ZNF69: variants seen among roughly 807,000 people sequenced by gnomAD.
ZNF69 encodes the protein ZNF3.
A neutral mutation model predicts 50.9 loss-of-function variants in ZNF69; 47 were observed. The ratio of observed to expected loss-of-function variants is 0.92; its 90% CI spans 0.73 to 1.18. The LOEUF (loss-of-function observed/expected upper bound fraction) is 1.18. Ranked by LOEUF, ZNF69 falls within the 50% of genes most tolerant of loss-of-function variation. The pLI, the probability that ZNF69 is intolerant of heterozygous loss-of-function variation, is 0.00. For synonymous variants in ZNF69, 216 were observed against 223.1 expected, an observed-to-expected ratio of 0.97 and a Z score of 0.29; for missense variants, 717 against 675.1, an observed-to-expected ratio of 1.06 and a Z score of -0.69.
the ZNF69 span, chr19:11,953,515 C>A: frequency 6.6e-6 from 1 of 152,222 alleles, no homozygotes; most frequent in Non-Finnish European, 1.5e-5. Flanking sequence ...ACAAGGAAAT[C>A]TGCAATTTTT....
At chr19:11,941,685 C>T in the ZNF69 span, among the ~76,000 whole-genome samples, 1 of 152,342 alleles carries the variant, frequency 6.6e-6, no homozygotes, top group Non-Finnish European at 1.5e-5. Flanking sequence ...TCCCTCCACC[C>T]CTCCCTGCAA....
chr19:11,915,840 G>A (rs147721230), downstream of ZNF69, among the ~76,000 whole-genome samples: 85 of 152,284 alleles, frequency 5.6e-4, no homozygotes, highest in African/African-American at 1.9e-3. Context: ...CAAGGCGGAG[G>A]TTGCAGTGTG....
chr19:11,979,741 A>G, the ZNF69 span: 4 of 1,590,550 alleles, frequency 2.5e-6, no homozygotes, highest in East Asian at 9.0e-5. Context: ...AAGCCTTCAG[A>G]TCTGCCCCAC....
the ZNF69 span, among the ~76,000 whole-genome samples, chr19:11,973,717 A>ATTT: frequency 1.2e-4 from 17 of 142,564 alleles, no homozygotes; most frequent in Non-Finnish European, 4.6e-5. Context: ...GACCTTGTTA[A>ATTT]TTTTTTTTTT....
chr19:11,964,199 C>G, the ZNF69 span, among the ~76,000 whole-genome samples: 1 of 152,192 alleles, frequency 6.6e-6, no homozygotes, highest in South Asian at 2.1e-4. Context: ...CTCAGAGCAG[C>G]TCCAGAAGGA....
chr19:11,959,132 C>G, the ZNF69 span, among the ~76,000 whole-genome samples: 1 of 152,124 alleles, frequency 6.6e-6, no homozygotes, highest in Non-Finnish European at 1.5e-5. Flanking sequence ...AGTGATCCAC[C>G]TGCCTCAGCC....
chr19:11,976,975 G>T, the ZNF69 span: 2 of 1,593,350 alleles, frequency 1.3e-6, no homozygotes, highest in African/African-American at 2.7e-5. Flanking sequence ...CTTGGGAATA[G>T]AGTCTAGGCC....
At chr19:11,976,455 T>C in the ZNF69 span, among the ~76,000 whole-genome samples, 5 of 150,146 alleles carry the variant, frequency 3.3e-5, no homozygotes, top group African/African-American at 1.2e-4. Context: ...ACTCAGGAGG[T>C]TGAGTCATAA....
At chr19:11,955,745 G>GA in the ZNF69 span, among the ~76,000 whole-genome samples, 1 of 152,160 alleles carries the variant, frequency 6.6e-6, no homozygotes, top group Admixed American at 6.6e-5. Flanking sequence ...CAAAGATTCG[G>GA]AAAAATATCA....
In ZNF69 at chr19:11,905,359, T is replaced by C. The variant is rs745821558; in HGVS notation, c.962T>C (p.Ile321Thr). The C allele has an allele frequency of 1.2e-6, 2 of 1,614,118 alleles. No homozygotes were observed. The highest frequency in any genetic ancestry group is 1.7e-6 in the Non-Finnish European group (2 of 1,180,028). Residue 321 changes from isoleucine (I) to threonine (T), a missense_variant, in exon 4 of 4, where the codon ATA becomes ACA. Ile to Thr is a moderately conservative substitution (Grantham distance 89). Transcript: ENST00000429654. ...TTCACGTGTCCCCAGTATGTTCGTA[T>C]ACATGAAAGGACCCACTCTAGGAAA... Reference protein sequence around the residue: ...KAFTCPQYVRIHERTHSRKKP... With the variant: ...KAFTCPQYVRTHERTHSRKKP...
chr19:11,969,032 A>G, the ZNF69 span, among the ~76,000 whole-genome samples: 19,210 of 152,130 alleles, frequency 0.13, 2,253 homozygotes, highest in African/African-American at 0.31. Context: ...ATGTGACTCA[A>G]CCCCATGATC....
At chr19:11,958,214 A>G in the ZNF69 span, among the ~76,000 whole-genome samples, 1 of 152,240 alleles carries the variant, frequency 6.6e-6, no homozygotes, top group African/African-American at 2.4e-5. Flanking sequence ...CCTTCATAGT[A>G]AGTGGGTAAA....
the ZNF69 span, chr19:11,925,381 G>T: frequency 6.5e-7 from 1 of 1,528,772 alleles, no homozygotes; most frequent in Non-Finnish European, 8.8e-7. Context: ...TCCGGGGTCT[G>T]GGACCGAGTC....
rs1488268334 is a variant in ZNF69 at position 11,905,176 on chromosome 19, C to G, written c.779C>G (p.Ser260Cys). 1.2e-6 allele frequency: 2 copies of G among 1,614,062 alleles called. No individual in the cohort carries two copies. Among genetic ancestry groups the G allele is most frequent in the Non-Finnish European group, 1.7e-6 (2 of 1,180,012 alleles). ...CKQCGKSFSY[S>C]ATLRIHERTH... is the part of the protein sequence containing the mutation. ...CAATGTGGTAAATCCTTTAGTTATT[C>G]TGCTACCCTTCGAATACACGAAAGA... Residue 260 changes from serine (S) to cysteine (C), a missense_variant, in exon 4 of 4, where the codon TCT (serine) becomes TGT (cysteine). Transcript: ENST00000429654.
At chr19:11,895,934 C>A (rs1205654714) in intron 1 of ZNF69, among the ~76,000 whole-genome samples, 1 of 152,034 alleles carries the variant, frequency 6.6e-6, no homozygotes, top group Non-Finnish European at 1.5e-5. Flanking sequence ...TAAACAGATG[C>A]CCAGACTGGG....
At chr19:11,922,176 C>G in the ZNF69 span, among the ~76,000 whole-genome samples, 132 of 151,414 alleles carry the variant, frequency 8.7e-4, 1 homozygote, top group Non-Finnish European at 1.5e-3. Flanking sequence ...TGCAAGTCTT[C>G]TTAAGCATTA....
downstream of ZNF69, among the ~76,000 whole-genome samples, chr19:11,911,182 A>G (rs558838703): frequency 0.013 from 2,016 of 151,956 alleles, 39 homozygotes; most frequent in African/African-American, 0.046. Context: ...AACAGGTGCT[A>G]GAGAGGATGT....
intron 2 of ZNF69, 61 bp downstream of exon 2, chr19:11,903,760 T>C: frequency 6.2e-7 from 1 of 1,606,244 alleles, no homozygotes; most frequent in Admixed American, 1.7e-5. Flanking sequence ...AGCTCATCAA[T>C]GCTGTTGAGT....
the ZNF69 span, chr19:11,949,435 G>A: frequency 5.6e-6 from 9 of 1,613,072 alleles, no homozygotes; most frequent in Non-Finnish European, 7.6e-6. Context: ...TCATACTGGA[G>A]AGAAACCCTA....
Sources: gnomAD v4.1 joint callset for allele counts (sites outside exome capture counted in the v4.1 genomes callset) on GRCh38, gnomAD v4.1.1 for gene constraint, MANE v1.5 for transcripts, NCBI Gene and HGNC (gene_info 2026-07-23, HGNC 2026-07-21) for gene names.